Variants in CNNM1 observed in about 807,000 individuals in gnomAD.
CNNM1 encodes metal transporter CNNM1.
Under a neutral mutation model 78.8 loss-of-function variants are expected in CNNM1, and 44 were observed. The observed-to-expected ratio is 0.56, with a 90% CI of 0.44 to 0.72. CNNM1 has a LOEUF of 0.72. Among genes scored for constraint, CNNM1 ranks in the 30% least tolerant of loss-of-function variants. The pLI, the probability that CNNM1 is intolerant of heterozygous loss-of-function variation, is 0.00. For synonymous variants in CNNM1, 584 were observed against 581.5 expected, an observed-to-expected ratio of 1.00 and a Z score of -0.06; for missense variants, 1,101 against 1,292.2, an observed-to-expected ratio of 0.85 and a Z score of 2.27.
In CNNM1 at chr10:99,377,088, A is replaced by G. The variant is rs770543561; in HGVS notation, c.2210A>G (p.Asn737Ser). 1 of 1,585,174 alleles carries G rather than the reference A, an allele frequency of 6.3e-7. No homozygotes were observed. The highest frequency in any genetic ancestry group is 8.6e-7 in the Non-Finnish European group (1 of 1,165,724). The part of the protein sequence containing the change: ...NRSPSRCSGL[N>S]RSESPNRERS... Reference sequence around the variant, plus strand: ...TCCCCTTCTCGCTGCAGTGGGTTGAATCGCTCTGAGTCTCCAAACCGAGAG... The same window carrying G: ...TCCCCTTCTCGCTGCAGTGGGTTGAGTCGCTCTGAGTCTCCAAACCGAGAG... Residue 737 changes from asparagine (N) to serine (S), a missense_variant, in exon 7 of 11, where the codon AAT becomes AGT. Physicochemically the swap from Asn to Ser is conservative, Grantham distance 46 (BLOSUM62 1). Around this residue, in one of 3 missense-constraint regions of CNNM1, gnomAD observed 348 missense variants for 384.5 expected, o/e 0.90. Transcript: ENST00000356713.
chr10:99,355,024 G>T, intron 1 of CNNM1, among the ~76,000 whole-genome samples: 1 of 152,088 alleles, frequency 6.6e-6, no homozygotes, highest in Non-Finnish European at 1.5e-5. Context: ...TTCCGATTTC[G>T]TTTCAGTTTA....
At position 99,330,897 on chromosome 10, in the gene CNNM1, C is replaced by CGG; in HGVS notation, c.1511_1512dup (p.Pro505GlyfsTer32). On this transcript the variant is annotated frameshift_variant, in exon 1 of 11. Coordinates refer to ENST00000356713, the MANE Select transcript of CNNM1 (RefSeq NM_020348.3). LOFTEE classifies it high-confidence loss of function. ...CCTCACTGTCACCCGCTTCTACAAC[C>CGG]GGCCCCTGCATTGTGTTTTCAATGA... The CGG allele has an allele frequency of 6.2e-7, 1 of 1,614,124 alleles. No homozygotes were observed.
At chr10:99,383,849 C>T (rs2032229073) in intron 7 of CNNM1, among the ~76,000 whole-genome samples, 1 of 152,150 alleles carries the variant, frequency 6.6e-6, no homozygotes, top group Admixed American at 6.6e-5. Context: ...AGTACAGCAG[C>T]CAGTAGCCAT....
rs1278559111 is a variant in CNNM1 at position 99,329,961 on chromosome 10, C to A, written c.574C>A (p.Arg192Ser). ...KLFSLCAWDGRAWHHHGAAGG... is the reference protein window; with the variant it reads ...KLFSLCAWDGSAWHHHGAAGG... ...CTTTTCACTCTGCGCCTGGGATGGG[C>A]GCGCGTGGCACCACCACGGCGCCGC... The change falls in exon 1 of 11, where the codon CGC becomes AGC. Residue 192 changes from arginine (R) to serine (S), a missense_variant. By Grantham distance (110) the Arg-to-Ser change is moderately radical. Coordinates refer to ENST00000356713, the MANE Select transcript of CNNM1 (RefSeq NM_020348.3). 2.2e-6 allele frequency: 3 copies of A among 1,385,414 alleles called. No homozygotes were observed. Among genetic ancestry groups the A allele is most frequent in the Non-Finnish European group, 2.8e-6 (3 of 1,080,750 alleles). 85.8% of individuals were successfully genotyped at this position (1,385,414 alleles called of 1,614,324 possible).
Position 99,329,641 on chromosome 10 carries a change from C to T in CNNM1, c.254C>T (p.Ala85Val), listed in dbSNP as rs765765196. Residue 85 changes from alanine (A) to valine (V), a missense_variant, in exon 1 of 11, where the codon GCA (alanine) becomes GTA (valine). Physicochemically the swap from Ala to Val is moderately conservative, Grantham distance 64. Around this residue, in one of 3 missense-constraint regions of CNNM1, gnomAD observed 476 missense variants for 484.5 expected, o/e 0.98. Coordinates refer to ENST00000356713, the MANE Select transcript of CNNM1 (RefSeq NM_020348.3). The part of the protein sequence containing the change: ...YFQPGPPATA[A>V]PVPSPTLNSG... ...CAGCCAGGACCGCCGGCCACCGCCG[C>T]ACCGGTGCCCTCACCGACCCTCAAC... The T allele has an allele frequency of 6.6e-7, 1 of 1,522,782 alleles. No homozygotes were observed. The highest frequency in any genetic ancestry group is 8.7e-7 in the Non-Finnish European group (1 of 1,143,598). 94.3% of individuals were successfully genotyped at this position (1,522,782 alleles called of 1,614,324 possible). A position where few individuals can be genotyped will look rare whatever the true frequency, so the allele number is the denominator to read the frequency against.
intron 4 of CNNM1, among the ~76,000 whole-genome samples, chr10:99,363,292 G>T (rs1004427751): frequency 6.6e-6 from 1 of 152,148 alleles, no homozygotes; most frequent in African/African-American, 2.4e-5. Context: ...TGAACAAAAT[G>T]ACCTCTCTTC....
intron 6 of CNNM1, among the ~76,000 whole-genome samples, chr10:99,366,221 A>G (rs1296915248): frequency 6.6e-6 from 1 of 152,158 alleles, no homozygotes; most frequent in Non-Finnish European, 1.5e-5. Context: ...ATCTCAATCA[A>G]GGTTGATGAA....
intron 1 of CNNM1, among the ~76,000 whole-genome samples, chr10:99,334,560 G>A (rs927255184): frequency 6.6e-6 from 1 of 152,138 alleles, no homozygotes; most frequent in African/African-American, 2.4e-5. Context: ...GGCTGAGACA[G>A]GAGAATTGCT....
At chr10:99,380,137 G>C (rs181232294) in intron 7 of CNNM1, among the ~76,000 whole-genome samples, 7 of 149,488 alleles carry the variant, frequency 4.7e-5, no homozygotes, top group Admixed American at 1.3e-4. Flanking sequence ...ACAAGCTCTC[G>C]TCTTCTAAGG....
At position 99,392,651 on chromosome 10, in the gene CNNM1, CAG is replaced by C; in HGVS notation, c.*1138_*1139del. 6.6e-6 allele frequency: 1 copy of C among 152,314 alleles called. No individual in the cohort carries two copies. The highest frequency in any genetic ancestry group is 6.5e-5 in the Admixed American group (1 of 15,288). The allele number at this position is 152,314 out of a possible 1,614,324, so 9.4% of individuals were successfully genotyped here. Reference sequence around the variant, plus strand: ...AATTCCAAGCATAACCACCAGATGGCAGAGTGACCGCGCATACCTGCTTCCAA... The same window carrying C: ...AATTCCAAGCATAACCACCAGATGGCAGTGACCGCGCATACCTGCTTCCAA... On this transcript the variant is annotated 3_prime_UTR_variant, in exon 11 of 11. Coordinates refer to ENST00000356713, the MANE Select transcript of CNNM1 (RefSeq NM_020348.3).
At chr10:99,375,345 T>C (rs892932063) in intron 6 of CNNM1, among the ~76,000 whole-genome samples, 1 of 152,104 alleles carries the variant, frequency 6.6e-6, no homozygotes, top group Non-Finnish European at 1.5e-5. Context: ...AGCTGGGATT[T>C]GAGTGGAGAC....
intron 1 of CNNM1, among the ~76,000 whole-genome samples, chr10:99,336,672 G>C (rs768718485): frequency 9.2e-5 from 14 of 152,216 alleles, no homozygotes; most frequent in Non-Finnish European, 2.1e-4. Context: ...TAGTGATTAA[G>C]AACATAAGAT....
Position 99,329,570 on chromosome 10 carries a change from C to A in CNNM1, c.183C>A (p.Thr61=). ...AGGRVSLEGG[T]LRAAEGTSFL... Reference sequence around the variant, plus strand: ...GCCGCGTGTCCCTGGAGGGGGGCACCCTGCGCGCCGCCGAAGGCACCAGCT... The same window carrying A: ...GCCGCGTGTCCCTGGAGGGGGGCACACTGCGCGCCGCCGAAGGCACCAGCT... The change falls in exon 1 of 11, where the codon ACC becomes ACA. Residue 61 remains threonine (T), a synonymous_variant. Coordinates refer to ENST00000356713, the MANE Select transcript of CNNM1 (RefSeq NM_020348.3). 1 of 1,526,258 alleles carries A rather than the reference C, an allele frequency of 6.6e-7. No homozygotes were observed. The highest frequency in any genetic ancestry group is 1.2e-5 in the South Asian group (1 of 81,394). The allele number at this position is 1,526,258 out of a possible 1,614,324, so 94.5% of individuals were successfully genotyped here.
At chr10:99,386,590 G>A (rs890822474) in intron 7 of CNNM1, among the ~76,000 whole-genome samples, 1 of 152,170 alleles carries the variant, frequency 6.6e-6, no homozygotes, top group Non-Finnish European at 1.5e-5. Flanking sequence ...GATTCGATTG[G>A]TTGTGCTTAG....
Position 99,386,458 on chromosome 10 carries a change from T to C in CNNM1, c.2341-1362T>C, listed in dbSNP as rs142467426. Among the ~76,000 whole-genome samples the C allele has an allele frequency of 2.6e-4, 40 of 152,276 alleles. No homozygotes were observed. The East Asian group carries it at 6.2e-3, about 23-fold the overall frequency. ...GTTTGAGAATCACTGATTTAAACCATCAAGAGAAAACTCTATTTGCCCACT... is the reference window on the plus strand; with the variant it reads ...GTTTGAGAATCACTGATTTAAACCACCAAGAGAAAACTCTATTTGCCCACT... On this transcript the variant is annotated intron_variant, in intron 7 of 10. Transcript: ENST00000356713.
chr10:99,340,026 T>C (rs2030369305), intron 1 of CNNM1, among the ~76,000 whole-genome samples: 1 of 152,246 alleles, frequency 6.6e-6, no homozygotes, highest in Admixed American at 6.5e-5. Flanking sequence ...TAATAATTAG[T>C]AAAATTTGTA....
At chr10:99,332,111 CTTGA>C (rs1273393453) in intron 1 of CNNM1, among the ~76,000 whole-genome samples, 2 of 152,138 alleles carry the variant, frequency 1.3e-5, no homozygotes, top group East Asian at 3.9e-4. Context: ...GCCCAGAACC[CTTGA>C]TTGTTTTTTA....
chr10:99,374,657 T>G (rs1192842530), intron 6 of CNNM1, among the ~76,000 whole-genome samples: 1 of 152,214 alleles, frequency 6.6e-6, no homozygotes, highest in African/African-American at 2.4e-5. Flanking sequence ...CTCTGAAACC[T>G]TTTTATAAAA....
In CNNM1 at chr10:99,392,104, A is replaced by T. The variant is rs1306337920; in HGVS notation, c.*588A>T. ...GCGTGATTGACATTACAGCACAGAA[A>T]ACTGTTAGTGACTGGTTTCCTGTTA... On this transcript the variant is annotated 3_prime_UTR_variant, in exon 11 of 11. Coordinates refer to ENST00000356713, the MANE Select transcript of CNNM1 (RefSeq NM_020348.3). The T allele has an allele frequency of 6.6e-6, 1 of 152,602 alleles. No individual in the cohort carries two copies. Among genetic ancestry groups the T allele is most frequent in the Non-Finnish European group, 1.5e-5 (1 of 68,376 alleles). The allele number at this position is 152,602 out of a possible 1,614,324, so 9.5% of individuals were successfully genotyped here.
Sources: allele counts gnomAD v4.1 joint callset (sites outside exome capture counted in the v4.1 genomes callset), GRCh38; gene constraint gnomAD v4.1.1; regional missense constraint gnomAD v4.1.1; transcripts MANE v1.5; gene names NCBI Gene and HGNC (gene_info 2026-07-23, HGNC 2026-07-21).